ADAMTSL1: variants seen among roughly 807,000 people sequenced by gnomAD.
The protein encoded by ADAMTSL1 is ADAMTS like 1.
ADAMTSL1 carries 126 observed loss-of-function variants against 201.8 expected under a neutral mutation model. The ratio of observed to expected loss-of-function variants is 0.62; its 90% CI spans 0.54 to 0.72. ADAMTSL1 has a LOEUF of 0.72. ADAMTSL1 is among the 30% of genes least tolerant of loss of function. The probability of loss-of-function intolerance (pLI) is 0.00; values close to 1 mark genes in which losing one functional copy is unlikely to be tolerated. For synonymous variants in ADAMTSL1, 1,121 were observed against 903.4 expected, an observed-to-expected ratio of 1.24 and a Z score of -4.32; for missense variants, 2,679 against 2,277.8, an observed-to-expected ratio of 1.18 and a Z score of -3.59.
intron 2 of ADAMTSL1, among the ~76,000 whole-genome samples, chr9:18,182,102 C>T (rs1464110699): frequency 7.2e-6 from 1 of 137,964 alleles, no homozygotes; most frequent in Admixed American, 8.6e-5. Flanking sequence ...AACTCATGGA[C>T]ACAGGAAGGG....
chr9:18,562,343 G>GC (rs1286602605), intron 3 of ADAMTSL1, among the ~76,000 whole-genome samples: 8 of 152,198 alleles, frequency 5.3e-5, no homozygotes, highest in Non-Finnish European at 1.0e-4. Flanking sequence ...TTGAATATTG[G>GC]CCCCCACTCT....
At chr9:18,196,476 C>T (rs1296908292) in intron 2 of ADAMTSL1, among the ~76,000 whole-genome samples, 3 of 151,998 alleles carry the variant, frequency 2.0e-5, no homozygotes, top group African/African-American at 7.2e-5. Context: ...GATGGGCCTC[C>T]TCCGGGATTC....
chr9:18,369,182 A>G (rs1836923486), intron 2 of ADAMTSL1, among the ~76,000 whole-genome samples: 2 of 152,246 alleles, frequency 1.3e-5, no homozygotes, highest in Admixed American at 6.5e-5. Flanking sequence ...ACTTCACTAG[A>G]TATAGCATAG....
intron 2 of ADAMTSL1, among the ~76,000 whole-genome samples, chr9:18,329,631 TA>T (rs1214448666): frequency 1.3e-5 from 2 of 152,220 alleles, no homozygotes; most frequent in Non-Finnish European, 1.5e-5. Flanking sequence ...GGCAGTGGCT[TA>T]TCTTTATCAG....
At chr9:18,835,962 AAC>A (rs1361283246) in intron 23 of ADAMTSL1, among the ~76,000 whole-genome samples, 1 of 152,200 alleles carries the variant, frequency 6.6e-6, no homozygotes, top group Non-Finnish European at 1.5e-5. Context: ...TGCTGCAATG[AAC>A]ACACAAATGC....
intron 1 of ADAMTSL1, among the ~76,000 whole-genome samples, chr9:17,949,942 G>A (rs116085158): frequency 6.6e-6 from 1 of 151,644 alleles, no homozygotes; most frequent in African/African-American, 2.4e-5. Context: ...TTTTTGAGAC[G>A]GTGTCTGGCT....
intron 26 of ADAMTSL1, among the ~76,000 whole-genome samples, chr9:18,904,732 C>CATT (rs1554662278): frequency 3.6e-5 from 2 of 55,248 alleles, no homozygotes; most frequent in African/African-American, 1.4e-4. Context: ...GTTAAGGGGG[C>CATT]TTTTTTTTTT....
rs891831133 is a variant in ADAMTSL1 at position 18,190,084 on chromosome 9, C to T, written c.207+26103C>T. 6.6e-5 allele frequency among the ~76,000 whole-genome samples: 10 copies of T among 152,162 alleles called. No homozygotes were observed. In the South Asian group the frequency reaches 1.7e-3, roughly 25 times the overall value. ...TTGTATAAGTAACCTCTAAGGGGAT[C>T]CAGCACTGCACATTGCATAATGTGA... On this transcript the variant is annotated intron_variant, in intron 2 of 29. Transcript: ENST00000680146.
At chr9:18,763,012 G>A (rs545344056) in intron 16 of ADAMTSL1, among the ~76,000 whole-genome samples, 37 of 151,972 alleles carry the variant, frequency 2.4e-4, no homozygotes, top group Non-Finnish European at 5.0e-4. Context: ...CTTTCTTTTG[G>A]GTATATACCC....
At chr9:18,127,897 C>A (rs1437527610) in intron 1 of ADAMTSL1, among the ~76,000 whole-genome samples, 1 of 152,120 alleles carries the variant, frequency 6.6e-6, no homozygotes, top group African/African-American at 2.4e-5. Flanking sequence ...TCTCATGTTT[C>A]TTTGCTTAAT....
intron 2 of ADAMTSL1, among the ~76,000 whole-genome samples, chr9:18,310,093 T>C (rs984811909): frequency 7.3e-5 from 11 of 151,372 alleles, no homozygotes; most frequent in Non-Finnish European, 1.5e-4. Flanking sequence ...GGGAAAGGAG[T>C]CCCTATTTAA....
intron 1 of ADAMTSL1, among the ~76,000 whole-genome samples, chr9:18,161,510 T>C (rs1391286418): frequency 3.3e-5 from 5 of 152,084 alleles, no homozygotes; most frequent in African/African-American, 1.2e-4. Flanking sequence ...CAACATACAT[T>C]AGTCCTTTCA....
rs1460391238 is a variant in ADAMTSL1 at position 18,039,121 on chromosome 9, GA to G, written c.88-124735del. ...ACACCAGCTGAGAAAGAACTTTATA[GA>G]AAAAACATGACACTAAATAGTTCAG... On this transcript the variant is annotated intron_variant, in intron 1 of 29. Transcript: ENST00000680146. 2.6e-5 allele frequency among the ~76,000 whole-genome samples: 4 copies of G among 152,056 alleles called. No individual in the cohort carries two copies. In the East Asian group the frequency reaches 7.7e-4, roughly 29 times the overall value.
intron 4 of ADAMTSL1, among the ~76,000 whole-genome samples, chr9:18,578,964 T>C (rs1222613758): frequency 6.6e-6 from 1 of 151,616 alleles, no homozygotes; most frequent in Non-Finnish European, 1.5e-5. Context: ...TTGATTTGCA[T>C]TTCTCTGATG....
chr9:18,606,258 A>G (rs748048007), intron 4 of ADAMTSL1, among the ~76,000 whole-genome samples: 9 of 152,172 alleles, frequency 5.9e-5, no homozygotes, highest in Non-Finnish European at 1.3e-4. Context: ...TAAATTTTCA[A>G]GGGGGTTGTT....
At chr9:18,511,408 T>G (rs938515435) in intron 2 of ADAMTSL1, among the ~76,000 whole-genome samples, 4 of 151,974 alleles carry the variant, frequency 2.6e-5, no homozygotes, top group East Asian at 1.9e-4. Flanking sequence ...TGGCAGAATT[T>G]TTTAAAAGTT....
At chr9:18,004,117 G>A (rs1408569011) in intron 1 of ADAMTSL1, among the ~76,000 whole-genome samples, 4 of 151,892 alleles carry the variant, frequency 2.6e-5, no homozygotes, top group Non-Finnish European at 5.9e-5. Context: ...ATGTTTTAAA[G>A]GAAAGCAATT....
At chr9:18,418,294 C>T (rs907667487) in intron 2 of ADAMTSL1, among the ~76,000 whole-genome samples, 5 of 152,176 alleles carry the variant, frequency 3.3e-5, no homozygotes, top group Admixed American at 2.0e-4. Flanking sequence ...GTTTCCCCCC[C>T]GGCACTGGGG....
chr9:18,549,528 C>T (rs979304657), intron 3 of ADAMTSL1, among the ~76,000 whole-genome samples: 1 of 151,922 alleles, frequency 6.6e-6, no homozygotes, highest in Non-Finnish European at 1.5e-5. Flanking sequence ...TGGTGATCCC[C>T]AAAGGGGTAT....
Sources: allele counts gnomAD v4.1 joint callset (sites outside exome capture counted in the v4.1 genomes callset), GRCh38; gene constraint gnomAD v4.1.1; transcripts MANE v1.5; gene names NCBI Gene and HGNC (gene_info 2026-07-23, HGNC 2026-07-21).